Variants in ADGRL3 observed in about 807,000 individuals in gnomAD.
The protein encoded by ADGRL3 is adhesion G protein-coupled receptor L3, also known as calcium-independent alpha-latrotoxin receptor 3.
ADGRL3 carries 62 observed loss-of-function variants against 153.5 expected under a neutral mutation model. The ratio of observed to expected loss-of-function variants is 0.40; its 90% CI spans 0.33 to 0.50. ADGRL3 has a LOEUF of 0.50. Among genes scored for constraint, ADGRL3 ranks in the 20% least tolerant of loss-of-function variants. The pLI is 0.47. For synonymous variants in ADGRL3, 710 were observed against 672.5 expected, an observed-to-expected ratio of 1.06 and a Z score of -0.86; for missense variants, 1,641 against 1,859.4, an observed-to-expected ratio of 0.88 and a Z score of 2.16.
At chr4:61,745,378 G>A (rs1289800684) in intron 8 of ADGRL3, among the ~76,000 whole-genome samples, 6 of 152,018 alleles carry the variant, frequency 3.9e-5, no homozygotes, top group East Asian at 3.9e-4. Context: ...GATACTCCTC[G>A]AGAAGAGCAA....
At chr4:61,809,445 G>T (rs1001048255) in intron 8 of ADGRL3, among the ~76,000 whole-genome samples, 7 of 151,944 alleles carry the variant, frequency 4.6e-5, no homozygotes, top group African/African-American at 1.7e-4. Flanking sequence ...TTAAAATTAG[G>T]TTTGAGCCTT....
chr4:61,986,079 T>C (rs2099084630), intron 19 of ADGRL3, among the ~76,000 whole-genome samples: 1 of 151,950 alleles, frequency 6.6e-6, no homozygotes, highest in South Asian at 2.1e-4. Flanking sequence ...TTTAGGATGT[T>C]TGTGGTATTA....
intron 6 of ADGRL3, among the ~76,000 whole-genome samples, chr4:61,702,285 A>G (rs2095780276): frequency 6.6e-6 from 1 of 152,180 alleles, no homozygotes; most frequent in Non-Finnish European, 1.5e-5. Context: ...ACAGAAAATA[A>G]TACTTTGGTT....
chr4:61,415,820 C>T (rs1166160359), intron 2 of ADGRL3, among the ~76,000 whole-genome samples: 2 of 151,798 alleles, frequency 1.3e-5, no homozygotes, highest in South Asian at 2.1e-4. Context: ...TTAATTAAAT[C>T]AGGAACGTAC....
intron 9 of ADGRL3, among the ~76,000 whole-genome samples, chr4:61,816,058 G>C (rs566042681): frequency 6.6e-6 from 1 of 152,250 alleles, no homozygotes; most frequent in African/African-American, 2.4e-5. Context: ...CATTGCTTTA[G>C]ACACATTAAT....
chr4:61,623,421 T>C (rs2092652800), intron 5 of ADGRL3, among the ~76,000 whole-genome samples: 1 of 152,222 alleles, frequency 6.6e-6, no homozygotes, highest in African/African-American at 2.4e-5. Context: ...AGCAGAAGTA[T>C]GTAGTCACAG....
intron 2 of ADGRL3, among the ~76,000 whole-genome samples, chr4:61,446,979 A>G (rs1361187682): frequency 1.3e-5 from 2 of 152,158 alleles, no homozygotes; most frequent in Non-Finnish European, 2.9e-5. Flanking sequence ...TGCTCCAAGT[A>G]CCAATAAGCT....
intron 5 of ADGRL3, among the ~76,000 whole-genome samples, chr4:61,649,580 T>C (rs764837227): frequency 5.3e-5 from 8 of 152,170 alleles, no homozygotes; most frequent in Non-Finnish European, 1.0e-4. Context: ...ATTTTGCTAA[T>C]TGATACTTTT....
At chr4:61,734,150 TAG>T (rs1183773080) in intron 8 of ADGRL3, among the ~76,000 whole-genome samples, 2 of 152,234 alleles carry the variant, frequency 1.3e-5, no homozygotes, top group Admixed American at 6.5e-5. Flanking sequence ...CAATTTTTTA[TAG>T]AGTTTTAATT....
Position 61,537,461 on chromosome 4 carries a change from A to G in ADGRL3, c.259+19943A>G, listed in dbSNP as rs139337608. Reference sequence around the variant, plus strand: ...GATATTTTCTTCAATTATTTCCTCAAATATGTTTTCCAAATTGCTTATTTT... The same window carrying G: ...GATATTTTCTTCAATTATTTCCTCAGATATGTTTTCCAAATTGCTTATTTT... On this transcript the variant is annotated intron_variant, in intron 4 of 26. Transcript: ENST00000683033. Among the ~76,000 whole-genome samples the G allele has an allele frequency of 2.6e-3, 399 of 152,140 alleles. 4 individuals are homozygous for G. The highest frequency in any genetic ancestry group is 9.2e-3 in the African/African-American group (380 of 41,510).
chr4:61,867,169 C>A (rs1044577209), intron 9 of ADGRL3, among the ~76,000 whole-genome samples: 4 of 151,780 alleles, frequency 2.6e-5, no homozygotes, highest in African/African-American at 4.8e-5. Context: ...TTAGATTAAG[C>A]CAAACAAAAA....
At chr4:61,262,625 T>C (rs2092605861) in intron 1 of ADGRL3, among the ~76,000 whole-genome samples, 1 of 152,120 alleles carries the variant, frequency 6.6e-6, no homozygotes. Context: ...TGGGCCCTCC[T>C]TTTATCTTAA....
intron 2 of ADGRL3, among the ~76,000 whole-genome samples, chr4:61,430,198 A>G (rs563787204): frequency 2.0e-5 from 3 of 152,290 alleles, no homozygotes; most frequent in Admixed American, 1.3e-4. Context: ...AAAATATCCT[A>G]TATGGCTACA....
At chr4:61,792,291 G>A (rs2097352497) in intron 8 of ADGRL3, among the ~76,000 whole-genome samples, 1 of 151,856 alleles carries the variant, frequency 6.6e-6, no homozygotes, top group East Asian at 1.9e-4. Context: ...CTAGGGCAGG[G>A]GCAAAATGCC....
At chr4:61,842,556 C>T (rs1342306454) in intron 9 of ADGRL3, among the ~76,000 whole-genome samples, 1 of 151,946 alleles carries the variant, frequency 6.6e-6, no homozygotes, top group African/African-American at 2.4e-5. Flanking sequence ...CAGCTGTGGA[C>T]TGTGAATTAT....
rs183951701 is a variant in ADGRL3 at position 61,226,009 on chromosome 4, T to C, written c.-240+24244T>C. On this transcript the variant is annotated intron_variant, in intron 1 of 26. Transcript: ENST00000683033. ...CAAGTTCTCATTTTTCCGTAACAGC[T>C]CTCAGAGTATTCCCCACTCCCAAAT... Among the ~76,000 whole-genome samples the C allele has an allele frequency of 2.8e-4, 42 of 152,268 alleles. No homozygotes were observed. In the East Asian group the frequency reaches 8.1e-3, roughly 29 times the overall value.
chr4:61,960,348 C>T (rs897942020), intron 17 of ADGRL3, among the ~76,000 whole-genome samples: 10 of 152,140 alleles, frequency 6.6e-5, no homozygotes, highest in African/African-American at 2.4e-4. Flanking sequence ...AAACAAGACC[C>T]TGAACCAGGA....
chr4:61,726,199 C>CTTTTTTTTTT (rs1012113549), intron 6 of ADGRL3, among the ~76,000 whole-genome samples: 2 of 82,936 alleles, frequency 2.4e-5, no homozygotes, highest in African/African-American at 4.5e-5. Flanking sequence ...CTCACTGGAA[C>CTTTTTTTTTT]TTTTTTTTTT....
At chr4:61,428,873 ATATC>A (rs1215872499) in intron 2 of ADGRL3, among the ~76,000 whole-genome samples, 2 of 118,578 alleles carry the variant, frequency 1.7e-5, no homozygotes, top group African/African-American at 2.9e-5. Context: ...CTATCTATCT[ATATC>A]ATCTATCTAT....
Sources: allele counts gnomAD v4.1 joint callset (sites outside exome capture counted in the v4.1 genomes callset), GRCh38; gene constraint gnomAD v4.1.1; transcripts MANE v1.5; gene names NCBI Gene and HGNC (gene_info 2026-07-23, HGNC 2026-07-21).